GIT2: variants seen among roughly 807,000 people sequenced by gnomAD.
GIT2 encodes GIT ArfGAP 2, also known as ARF GTPase-activating protein GIT2.
A neutral mutation model predicts 100.3 loss-of-function variants in GIT2; 32 were observed. That is an observed-to-expected ratio of 0.32 (90% confidence interval 0.24 to 0.43). The LOEUF is 0.43. Ranked by LOEUF, GIT2 falls within the 20% of genes least tolerant of loss-of-function variation. The pLI is 1.00. For missense variants in GIT2, 737 were observed against 975.1 expected (o/e 0.76, Z 3.25); for synonymous variants, 353 against 364.1 (o/e 0.97, Z 0.35).
At chr12:109,988,422 G>T (rs1340015290) in intron 4 of GIT2, among the ~76,000 whole-genome samples, 2 of 151,902 alleles carry the variant, frequency 1.3e-5, no homozygotes, top group African/African-American at 4.8e-5. Context: ...TGCGCCTGTA[G>T]TTCCAGCTAC....
intron 14 of GIT2, chr12:109,949,164 A>G (rs1014952291): frequency 2.8e-6 from 1 of 353,832 alleles, no homozygotes; most frequent in Non-Finnish European, 5.1e-6. Context: ...AGCAGCTGAC[A>G]AAGCAGCCCT....
Position 109,931,715 on chromosome 12 carries a change from G to A in GIT2, c.*1263C>T, listed in dbSNP as rs1028405909. On this transcript the variant is annotated 3_prime_UTR_variant, in exon 20 of 20. Transcript: ENST00000355312. ...AGGGTCTGAACCACACACACAGAAT[G>A]GCTGCAGTAAGCAGGAACGGGAAGA... 1 of 152,298 alleles carries A rather than the reference G, an allele frequency of 6.6e-6. No individual in the cohort carries two copies. The highest frequency in any genetic ancestry group is 1.9e-4 in the East Asian group (1 of 5,196). The allele number at this position is 152,298 out of a possible 1,614,324, so 9.4% of individuals were successfully genotyped here.
intron 7 of GIT2, among the ~76,000 whole-genome samples, chr12:109,980,719 T>C (rs952604531): frequency 6.6e-6 from 1 of 152,212 alleles, no homozygotes; most frequent in African/African-American, 2.4e-5. Flanking sequence ...ATTCTTGAAA[T>C]AGTCATTTCT....
Position 109,940,911 on chromosome 12 carries a change from C to A in GIT2, c.1732-1664G>T, listed in dbSNP as rs559336869. ...AAAACAAAACAAAACAAAACAAAAC[C>A]AAAAAGAAAAAAAAAAAAAAACCCC... On this transcript the variant is annotated intron_variant, in intron 16 of 19. Coordinates refer to ENST00000355312, the MANE Select transcript of GIT2 (RefSeq NM_057169.5). 4.1e-3 allele frequency among the ~76,000 whole-genome samples: 577 copies of A among 140,454 alleles called. 2 individuals carry two copies. Among genetic ancestry groups the A allele is most frequent in the Non-Finnish European group, 6.0e-3 (383 of 64,284 alleles). 92.1% of individuals were successfully genotyped at this position (140,454 alleles called of 152,430 possible).
chr12:109,938,747 A>G (rs1448387944), intron 17 of GIT2, 179 bp from the exon 18 acceptor site: 5 of 551,666 alleles, frequency 9.1e-6, no homozygotes, highest in Non-Finnish European at 1.6e-5. Context: ...TCACTCTACC[A>G]TAGGGCTGGA....
Position 109,932,692 on chromosome 12 carries a change from G to C in GIT2, c.*286C>G, listed in dbSNP as rs1871852291. 3.8e-6 allele frequency: 1 copy of C among 261,670 alleles called. No homozygotes were observed. Among genetic ancestry groups the C allele is most frequent in the Non-Finnish European group, 7.3e-6 (1 of 137,474 alleles). The allele number at this position is 261,670 out of a possible 1,614,324, so 16.2% of individuals were successfully genotyped here. Reference sequence around the variant, plus strand: ...GATGGAAAAGTTTTCACAAACTTTAGACAATGAAACTATACTTTTGGATGT... The same window carrying C: ...GATGGAAAAGTTTTCACAAACTTTACACAATGAAACTATACTTTTGGATGT... On this transcript the variant is annotated 3_prime_UTR_variant, in exon 20 of 20. Transcript: ENST00000355312.
intron 4 of GIT2, among the ~76,000 whole-genome samples, chr12:109,988,271 C>T (rs1430877177): frequency 2.6e-5 from 4 of 152,106 alleles, no homozygotes; most frequent in Non-Finnish European, 5.9e-5. Context: ...AAGACGAAAC[C>T]GACTGACAAA....
chr12:109,939,818 T>C (rs1265414414), intron 16 of GIT2: 4 of 152,174 alleles, frequency 2.6e-5, no homozygotes, highest in East Asian at 1.9e-4. Flanking sequence ...CAAGGTTGCA[T>C]TGAGCCATGG....
chr12:109,939,063 A>T, intron 17 of GIT2, 102 bp downstream of exon 17: 1 of 713,620 alleles, frequency 1.4e-6, no homozygotes, highest in Non-Finnish European at 2.6e-6. Flanking sequence ...CTGAAAATAG[A>T]GAAAAGGGGT....
intron 4 of GIT2, among the ~76,000 whole-genome samples, chr12:109,985,103 T>C (rs1038497173): frequency 2.0e-5 from 3 of 152,126 alleles, no homozygotes; most frequent in African/African-American, 7.2e-5. Context: ...AATGAAGAAA[T>C]CTACTCTAAC....
rs531657262 is a variant in GIT2, at chr12:109,940,859, A to G, written c.1732-1612T>C. ...GTACTACTGCACTCCAGCCTGGGTG[A>G]CAGAGCTAGACCCTAACTCAAAAAA... On this transcript the variant is annotated intron_variant, in intron 16 of 19. Transcript: ENST00000355312. Among the ~76,000 whole-genome samples the G allele has an allele frequency of 7.2e-5, 11 of 151,772 alleles. 1 individual carries two copies. The South Asian group carries it at 2.3e-3, about 32-fold the overall frequency.
rs777875766 is a variant in GIT2, at chr12:109,983,364, G to T, written c.623+9C>A. On this transcript the variant is annotated intron_variant, in intron 6 of 19. Coordinates refer to ENST00000355312, the MANE Select transcript of GIT2 (RefSeq NM_057169.5). Reference sequence around the variant, plus strand: ...CCAGAGAGAAGTAGCGAGAATCTAGGTCTCTTACCTTGCATAATCAACGGG... The same window carrying T: ...CCAGAGAGAAGTAGCGAGAATCTAGTTCTCTTACCTTGCATAATCAACGGG... The T allele has an allele frequency of 6.2e-6, 10 of 1,611,080 alleles. No individual in the cohort carries two copies. Among genetic ancestry groups the T allele is most frequent in the Non-Finnish European group, 8.5e-6 (10 of 1,178,958 alleles).
rs1490122275 is a variant in GIT2, at chr12:109,955,389, G to A, written c.1100-2155C>T. Among the ~76,000 whole-genome samples the A allele has an allele frequency of 9.9e-5, 15 of 152,156 alleles. No homozygotes were observed. The East Asian group carries it at 2.7e-3, about 27-fold the overall frequency. ...GATCTGCCCACCTCGGCCTCCCAAA[G>A]TGCTGGGATTACAGGTGTGAGCCAC... On this transcript the variant is annotated intron_variant, in intron 12 of 19. Transcript: ENST00000355312.
intron 14 of GIT2, among the ~76,000 whole-genome samples, chr12:109,950,499 T>G (rs926171309): frequency 6.6e-6 from 1 of 152,234 alleles, no homozygotes; most frequent in Non-Finnish European, 1.5e-5. Flanking sequence ...ACTAAGGGTA[T>G]TCCTTGCTAC....
intron 7 of GIT2, among the ~76,000 whole-genome samples, chr12:109,972,010 A>AAT (rs1555231483): frequency 0.035 from 4,934 of 141,710 alleles, 108 homozygotes; most frequent in Non-Finnish European, 0.05. Context: ...GGGAAAAAAA[A>AAT]ATATATATAT....
intron 12 of GIT2, among the ~76,000 whole-genome samples, chr12:109,958,515 T>A (rs963217426): frequency 6.6e-6 from 1 of 152,212 alleles, no homozygotes; most frequent in African/African-American, 2.4e-5. Flanking sequence ...AGTGCTGGGA[T>A]TACAGGCGTA....
At chr12:109,971,137 T>C (rs899406571) in intron 7 of GIT2, among the ~76,000 whole-genome samples, 2 of 152,296 alleles carry the variant, frequency 1.3e-5, no homozygotes, top group South Asian at 2.1e-4. Flanking sequence ...AAATCCTCAA[T>C]TGAAGTAAAT....
At chr12:109,955,648 G>A (rs546802170) in intron 12 of GIT2, among the ~76,000 whole-genome samples, 2 of 152,256 alleles carry the variant, frequency 1.3e-5, no homozygotes, top group South Asian at 4.1e-4. Context: ...TCTCCGTAGG[G>A]CACATCACAG....
intron 18 of GIT2, among the ~76,000 whole-genome samples, chr12:109,936,362 C>T (rs1872982883): frequency 6.6e-6 from 1 of 151,304 alleles, no homozygotes; most frequent in Non-Finnish European, 1.5e-5. Context: ...CAAATTGTAC[C>T]AAGCACCATA....
Sources: allele counts gnomAD v4.1 joint callset (sites outside exome capture counted in the v4.1 genomes callset), GRCh38; gene constraint gnomAD v4.1.1; transcripts MANE v1.5; gene names NCBI Gene and HGNC (gene_info 2026-07-23, HGNC 2026-07-21).